Variants in LRRC71 observed in about 807,000 individuals in gnomAD.
LRRC71 encodes the protein leucine-rich repeat-containing protein 71.
A neutral mutation model predicts 66.6 loss-of-function variants in LRRC71; 54 were observed. The observed-to-expected ratio is 0.81, with a 90% confidence interval of 0.65 to 1.02. The LOEUF (loss-of-function observed/expected upper bound fraction) is 1.02, where lower values mean the gene tolerates loss of function less well. Ranked by LOEUF, LRRC71 falls within the 50% of genes least tolerant of loss-of-function variation. The pLI is 0.00. For missense variants in LRRC71, 724 were observed against 718.0 expected (o/e 1.01, Z -0.10); for synonymous variants, 323 against 303.9 (o/e 1.06, Z -0.65).
At chr1:156,932,222 G>T in intron 13 of LRRC71, 195 bp downstream of exon 13, 1 of 660,644 alleles carries the variant, frequency 1.5e-6, no homozygotes, top group Non-Finnish European at 2.7e-6. Flanking sequence ...GAGGACAGGC[G>T]ATTGGAGTAA....
At chr1:156,930,099 C>CA in intron 11 of LRRC71, among the ~76,000 whole-genome samples, 1 of 113,156 alleles carries the variant, frequency 8.8e-6, no homozygotes. Flanking sequence ...CTTTCTCTCT[C>CA]TTTTTTTTTT....
intron 1 of LRRC71, among the ~76,000 whole-genome samples, chr1:156,923,661 T>TG (rs1558165753): frequency 6.6e-6 from 1 of 151,232 alleles, no homozygotes; most frequent in African/African-American, 2.4e-5. Flanking sequence ...GGGCTGGGAG[T>TG]GGAGAGCAGG....
At chr1:156,924,769 C>T in intron 4 of LRRC71, 51 bp downstream of exon 4, 1 of 1,544,172 alleles carries the variant, frequency 6.5e-7, no homozygotes, top group Non-Finnish European at 8.8e-7. Context: ...AGTTGGGGCT[C>T]CTGGTGGCTT....
the LRRC71 span, chr1:156,939,463 A>G: frequency 1.3e-6 from 2 of 1,579,152 alleles, no homozygotes; most frequent in Non-Finnish European, 1.7e-6. Context: ...CAGGGGGAGT[A>G]TAGGGAAGGA....
chr1:156,937,093 AGG>A, downstream of LRRC71: 1 of 1,566,460 alleles, frequency 6.4e-7, no homozygotes, highest in South Asian at 1.2e-5. Context: ...CTTGGGGAGG[AGG>A]GTGTGATTTA....
rs1366833006 is a variant in LRRC71 at position 156,924,003 on chromosome 1, G to T, written c.215G>T (p.Arg72Leu). ...LETDFAELCTRWGYTDFPKVV... is the reference protein window; with the variant it reads ...LETDFAELCTLWGYTDFPKVV... ...ACCGACTTCGCCGAGCTCTGCACGC[G>T]GTGGGGCTACACGGACTTCCCCAAA... Residue 72 changes from arginine to leucine, a missense_variant, in exon 2 of 15, where the codon CGG (arginine) becomes CTG (leucine). Coordinates refer to ENST00000337428, the MANE Select transcript of LRRC71 (RefSeq NM_144702.3). The T allele has an allele frequency of 6.5e-7, 1 of 1,547,312 alleles. No individual in the cohort carries two copies.
downstream of LRRC71, among the ~76,000 whole-genome samples, chr1:156,936,497 AATATATATATAT>A (rs1553192804): frequency 2.1e-4 from 7 of 33,940 alleles, no homozygotes; most frequent in African/African-American, 4.6e-4. Context: ...AAAAAAAAAA[AATATATATATAT>A]ATATATATAT....
chr1:156,934,727 C>T (rs1557800849), downstream of LRRC71: 1 of 151,782 alleles, frequency 6.6e-6, no homozygotes. Context: ...AGATCTGGGT[C>T]TGGGGGTGAG....
intron 11 of LRRC71, 107 bp from the exon 12 acceptor site, chr1:156,930,422 C>G: frequency 1.0e-6 from 1 of 984,390 alleles, no homozygotes; most frequent in Non-Finnish European, 1.5e-6. Flanking sequence ...GCACCCAAAC[C>G]CAAAGTTGGG....
chr1:156,923,749 G>T (rs1652748400), intron 1 of LRRC71, among the ~76,000 whole-genome samples, 200 bp from the exon 2 acceptor site: 1 of 152,244 alleles, frequency 6.6e-6, no homozygotes, highest in East Asian at 1.9e-4. Flanking sequence ...GTGCACGCAC[G>T]CCCGTTAGTC....
At chr1:156,925,115 T>G in intron 5 of LRRC71, 100 bp downstream of exon 5, 1 of 1,060,630 alleles carries the variant, frequency 9.4e-7, no homozygotes, top group Non-Finnish European at 1.4e-6. Context: ...CCAGCTCCTG[T>G]GGGCCTGCCT....
intron 10 of LRRC71, 45 bp from the exon 11 acceptor site, chr1:156,929,591 C>A (rs899626861): frequency 1.9e-6 from 3 of 1,551,634 alleles, no homozygotes; most frequent in Non-Finnish European, 2.6e-6. Context: ...CTGCCCATCC[C>A]CTCCGGAGGT....
rs749473845 is a variant in LRRC71 at position 156,932,008 on chromosome 1, T to C, written c.1422T>C (p.Leu474=). The C allele has an allele frequency of 5.6e-6, 9 of 1,596,576 alleles. No homozygotes were observed. The South Asian group carries it at 5.7e-5, about 10-fold the overall frequency. Residue 474 remains leucine (L), a synonymous_variant, in exon 13 of 15, where the codon CTT becomes CTC. Transcript: ENST00000337428. ...TTTTCATGCCTGGGAACAAGGTCCT[T>C]TTGCACCTCAACCTCATCCGTATGT... ...GKVFMPGNKV[L]LHLNLIRNRI...
chr1:156,928,685 C>T (rs1417046032), intron 9 of LRRC71, among the ~76,000 whole-genome samples: 3 of 150,162 alleles, frequency 2.0e-5, no homozygotes, highest in Admixed American at 1.3e-4. Context: ...ATTTTTCTGC[C>T]TCAGCCTCCT....
chr1:156,925,852 C>G (rs1653120359), intron 5 of LRRC71, among the ~76,000 whole-genome samples: 1 of 152,236 alleles, frequency 6.6e-6, no homozygotes. Context: ...GTCCCCAGCA[C>G]TCTGTGTAAA....
intron 12 of LRRC71, 77 bp downstream of exon 12, chr1:156,930,694 C>G: frequency 7.3e-7 from 1 of 1,362,254 alleles, no homozygotes; most frequent in Non-Finnish European, 1.0e-6. Flanking sequence ...TCACCCCAGC[C>G]CCTCCTGGAA....
At position 156,929,682 on chromosome 1, in the gene LRRC71, C is replaced by A; in HGVS notation, c.1193C>A (p.Thr398Lys). The change falls in exon 11 of 15, where the codon ACA becomes AAA. Residue 398 changes from threonine (T) to lysine (K), a missense_variant. Physicochemically the swap from Thr to Lys is moderately conservative, Grantham distance 78. Coordinates refer to ENST00000337428, the MANE Select transcript of LRRC71 (RefSeq NM_144702.3). ...AAGTTGGGGTCTGGGCAGTCACCCA[C>A]ACAAGGAACCCCTAAGAAGGAAGAT... ...EEKLGSGQSP[T>K]QGTPKKEDAT... 1 of 1,584,522 alleles carries A rather than the reference C, an allele frequency of 6.3e-7. No homozygotes were observed. Among genetic ancestry groups the A allele is most frequent in the East Asian group, 2.3e-5 (1 of 43,204 alleles).
downstream of LRRC71, among the ~76,000 whole-genome samples, chr1:156,934,029 C>A (rs73006684): frequency 6.6e-6 from 1 of 152,196 alleles, no homozygotes; most frequent in African/African-American, 2.4e-5. Context: ...GTGGAGCCAG[C>A]TTCACCAGGG....
chr1:156,923,436 C>T (rs999888992), intron 1 of LRRC71, among the ~76,000 whole-genome samples: 8 of 152,204 alleles, frequency 5.3e-5, no homozygotes, highest in Non-Finnish European at 1.0e-4. Context: ...GCACTGGACA[C>T]TAGGAAGTGC....
Sources: allele counts gnomAD v4.1 joint callset (sites outside exome capture counted in the v4.1 genomes callset), GRCh38; gene constraint gnomAD v4.1.1; transcripts MANE v1.5; gene names NCBI Gene and HGNC (gene_info 2026-07-23, HGNC 2026-07-21).